LRPPRC: variants seen among roughly 807,000 people sequenced by gnomAD.
LRPPRC encodes the protein leucine rich pentatricopeptide repeat containing, also known as leucine-rich PPR motif-containing protein, mitochondrial.
A neutral mutation model predicts 180.3 loss-of-function variants in LRPPRC; 120 were observed. That is an observed-to-expected ratio of 0.67 (90% CI 0.57 to 0.77). LRPPRC has a LOEUF of 0.77. Among genes scored for constraint, LRPPRC ranks in the 30% least tolerant of loss-of-function variants. LRPPRC has a pLI of 0.00. For missense variants in LRPPRC, 2,012 were observed against 1,657.2 expected, an observed-to-expected ratio of 1.21 and a Z score of -3.72; for synonymous variants, 723 against 600.0, an observed-to-expected ratio of 1.21 and a Z score of -3.00.
chr2:43,929,504 G>T (rs914864839), intron 25 of LRPPRC, among the ~76,000 whole-genome samples: 1 of 152,116 alleles, frequency 6.6e-6, no homozygotes, highest in African/African-American at 2.4e-5. Context: ...AAGCATTCAT[G>T]ACATACCTTT....
chr2:43,920,499 G>A (rs1671660960), intron 27 of LRPPRC, among the ~76,000 whole-genome samples: 1 of 152,070 alleles, frequency 6.6e-6, no homozygotes, highest in Non-Finnish European at 1.5e-5. Flanking sequence ...TTAACCTAAA[G>A]TGCAGAGTGA....
Position 43,976,242 on chromosome 2 carries a change from A to C in LRPPRC, c.651-13T>G. On this transcript the variant is annotated splice_polypyrimidine_tract_variant and intron_variant, in intron 5 of 37. Transcript: ENST00000260665. ...TCCAAGAATCTTGCTGCAAAGGAAA[A>C]ACGAAGATACTCATTGAAAGTATTT... The C allele has an allele frequency of 6.9e-7, 1 of 1,440,696 alleles. No homozygotes were observed. Among genetic ancestry groups the C allele is most frequent in the South Asian group, 1.1e-5 (1 of 87,660 alleles). The allele number at this position is 1,440,696 out of a possible 1,614,324, so 89.2% of individuals were successfully genotyped here. A position where few individuals can be genotyped will look rare whatever the true frequency, so the allele number is the denominator to read the frequency against.
Position 43,973,897 on chromosome 2 carries a change from C to T in LRPPRC, c.1159G>A (p.Val387Met). The T allele has an allele frequency of 6.3e-7, 1 of 1,594,286 alleles. No individual in the cohort carries two copies. Among genetic ancestry groups the T allele is most frequent in the Non-Finnish European group, 8.6e-7 (1 of 1,162,312 alleles). Residue 387 changes from valine (V) to methionine (M), a missense_variant, in exon 10 of 38, where the codon GTG becomes ATG. Val to Met is a conservative substitution (Grantham distance 21). Coordinates refer to ENST00000260665, the MANE Select transcript of LRPPRC (RefSeq NM_133259.4). ...LQHCVTMNTP[V>M]EKLTDYCKKL... ...TTACAGTAGTCTGTTAGCTTCTCCA[C>T]AGGCTGTGGGAAAAAAGTCACCACA...
chr2:43,979,910 T>C lies in LRPPRC; in HGVS notation c.385A>G (p.Ser129Gly), dbSNP rs1220032327. 2 of 1,613,830 alleles carry C rather than the reference T, an allele frequency of 1.2e-6. No homozygotes were observed. The highest frequency in any genetic ancestry group is 1.7e-6 in the Non-Finnish European group (2 of 1,179,780). The change falls in exon 3 of 38, where the codon AGT becomes GGT. Residue 129 changes from serine to glycine, a missense_variant. By Grantham distance (56) the Ser-to-Gly change is moderately conservative. Transcript: ENST00000260665. ...GGSHALLLLR[S>G]CGSLLPELKL... is the part of the protein sequence containing the mutation. ...AGTTCAGGCAAGAGAGAACCACAAC[T>C]ACGTAGTAGAAGCAAGGCATGACTA...
chr2:43,954,056 C>G (rs1673007840), intron 14 of LRPPRC, among the ~76,000 whole-genome samples: 1 of 152,108 alleles, frequency 6.6e-6, no homozygotes, highest in Non-Finnish European at 1.5e-5. Context: ...AACTGAACAC[C>G]CTCTTTTTAT....
rs2103796962 is a variant in LRPPRC at position 43,995,828 on chromosome 2, C to T, written c.120G>A (p.Leu40=). 1 of 1,425,210 alleles carries T rather than the reference C, an allele frequency of 7.0e-7. No homozygotes were observed. Among genetic ancestry groups the T allele is most frequent in the African/African-American group, 1.5e-5 (1 of 66,660 alleles). The allele number at this position is 1,425,210 out of a possible 1,614,324, so 88.3% of individuals were successfully genotyped here. A position where few individuals can be genotyped will look rare whatever the true frequency, so the allele number is the denominator to read the frequency against. Residue 40 remains leucine (L), a synonymous_variant, in exon 1 of 38, where the codon CTG becomes CTA. Transcript: ENST00000260665. ...GPGRLHAASY[L]PAARAGPVAG... is the part of the protein sequence containing the mutation. ...CCACGGGCCCGGCGCGAGCGGCGGG[C>T]AGATAGGAGGCGGCATGCAGCCGGC...
chr2:43,888,137 C>A lies in LRPPRC; in HGVS notation c.*463G>T, dbSNP rs949467636. 5.5e-6 allele frequency: 1 copy of A among 182,730 alleles called. No homozygotes were observed. Among genetic ancestry groups the A allele is most frequent in the Admixed American group, 5.5e-5 (1 of 18,220 alleles). The allele number at this position is 182,730 out of a possible 1,614,324, so 11.3% of individuals were successfully genotyped here. ...GATGACTCCTAGTGCCAACATTTAACAAAGTTCGAAAGTTATGCAGGACTT... is the reference window on the plus strand; with the variant it reads ...GATGACTCCTAGTGCCAACATTTAAAAAAGTTCGAAAGTTATGCAGGACTT... On this transcript the variant is annotated 3_prime_UTR_variant, in exon 38 of 38. Transcript: ENST00000260665.
In LRPPRC at chr2:43,905,121, C is replaced by T. The variant is rs144429715; in HGVS notation, c.3364+571G>A. 9.2e-3 allele frequency among the ~76,000 whole-genome samples: 1,395 copies of T among 152,284 alleles called. 21 individuals are homozygous for T. Among genetic ancestry groups the T allele is most frequent in the African/African-American group, 0.032 (1,318 of 41,554 alleles). Reference sequence around the variant, plus strand: ...TCTCTTAACATTAATTTGAAAACTCCAAACTTCAAACAAACACTGTATTTT... The same window carrying T: ...TCTCTTAACATTAATTTGAAAACTCTAAACTTCAAACAAACACTGTATTTT... On this transcript the variant is annotated intron_variant, in intron 31 of 37. Coordinates refer to ENST00000260665, the MANE Select transcript of LRPPRC (RefSeq NM_133259.4).
intron 8 of LRPPRC, 80 bp from the exon 9 acceptor site, chr2:43,974,375 A>T: frequency 9.2e-7 from 1 of 1,081,986 alleles, no homozygotes; most frequent in Non-Finnish European, 1.4e-6. Flanking sequence ...AATACTGAAG[A>T]CAAAATAAGA....
chr2:43,977,337 G>A, intron 3 of LRPPRC, 61 bp from the exon 4 acceptor site: 1 of 1,336,326 alleles, frequency 7.5e-7, no homozygotes, highest in South Asian at 1.2e-5. Flanking sequence ...GCTTTAAAGT[G>A]GACCTAAATT....
chr2:43,918,773 G>C (rs1671571644), intron 27 of LRPPRC, among the ~76,000 whole-genome samples: 1 of 121,534 alleles, frequency 8.2e-6, no homozygotes, highest in African/African-American at 3.4e-5. Context: ...CAAAGATCCT[G>C]GAAATATATA....
intron 13 of LRPPRC, among the ~76,000 whole-genome samples, chr2:43,958,524 G>C (rs1207353882): frequency 6.6e-6 from 1 of 152,136 alleles, no homozygotes; most frequent in Non-Finnish European, 1.5e-5. Context: ...AGGAGCCTAA[G>C]TTTCTCAGTG....
chr2:43,898,627 A>C (rs540145981), intron 34 of LRPPRC, among the ~76,000 whole-genome samples: 5 of 152,208 alleles, frequency 3.3e-5, no homozygotes, highest in African/African-American at 1.2e-4. Context: ...TCCTTCCCTG[A>C]AGGTTGCTAA....
intron 23 of LRPPRC, among the ~76,000 whole-genome samples, chr2:43,939,903 G>C (rs1672418576): frequency 6.6e-6 from 1 of 152,176 alleles, no homozygotes; most frequent in Admixed American, 6.5e-5. Context: ...TGAATGATTA[G>C]ACAAGATAGC....
chr2:43,918,538 C>T, intron 27 of LRPPRC, 140 bp from the exon 28 acceptor site: 1 of 705,162 alleles, frequency 1.4e-6, no homozygotes, highest in Non-Finnish European at 2.4e-6. Flanking sequence ...CCAAAAGTGA[C>T]CGTGACCCGA....
intron 18 of LRPPRC, 131 bp downstream of exon 18, chr2:43,947,991 G>C (rs1672754980): frequency 1.4e-6 from 1 of 695,398 alleles, no homozygotes; most frequent in Non-Finnish European, 2.6e-6. Flanking sequence ...TCAATGAAAA[G>C]CTTCGTTTTA....
intron 1 of LRPPRC, among the ~76,000 whole-genome samples, chr2:43,994,788 T>C (rs772737537): frequency 1.3e-5 from 2 of 152,224 alleles, no homozygotes; most frequent in African/African-American, 2.4e-5. Flanking sequence ...TCACCAACTT[T>C]TCTTTTCCCC....
intron 13 of LRPPRC, among the ~76,000 whole-genome samples, chr2:43,960,105 T>C (rs1673280006): frequency 6.6e-6 from 1 of 152,204 alleles, no homozygotes; most frequent in African/African-American, 2.4e-5. Flanking sequence ...TGCTGTGTTT[T>C]TGTTAATGAA....
In LRPPRC at chr2:43,886,501, G is replaced by T. The variant is rs771863074; in HGVS notation, c.*2099C>A. 1.6e-4 allele frequency: 24 copies of T among 152,254 alleles called. No homozygotes were observed. The highest frequency in any genetic ancestry group is 3.3e-4 in the Admixed American group (5 of 15,298). 9.4% of individuals were successfully genotyped at this position (152,254 alleles called of 1,614,324 possible). A position where few individuals can be genotyped will look rare whatever the true frequency, so the allele number is the denominator to read the frequency against. On this transcript the variant is annotated 3_prime_UTR_variant, in exon 38 of 38. Transcript: ENST00000260665. ...ATACTTTAAATATTTATATTCAATAGGGGAATCAATACAATACAAAAGATA... is the reference window on the plus strand; with the variant it reads ...ATACTTTAAATATTTATATTCAATATGGGAATCAATACAATACAAAAGATA...
Sources: gnomAD v4.1 joint callset for allele counts (sites outside exome capture counted in the v4.1 genomes callset) on GRCh38, gnomAD v4.1.1 for gene constraint, MANE v1.5 for transcripts, NCBI Gene and HGNC (gene_info 2026-07-23, HGNC 2026-07-21) for gene names.